SLC9A5: variants seen among roughly 807,000 people sequenced by gnomAD.
SLC9A5 encodes the protein solute carrier family 9 member A5.
A neutral mutation model predicts 91.7 loss-of-function variants in SLC9A5; 52 were observed. The ratio of observed to expected loss-of-function variants is 0.57; its 90% CI spans 0.45 to 0.71. The LOEUF (loss-of-function observed/expected upper bound fraction) is 0.71. Among genes scored for constraint, SLC9A5 ranks in the 30% least tolerant of loss-of-function variants. The pLI, the probability that SLC9A5 is intolerant of heterozygous loss-of-function variation, is 0.00. For missense variants in SLC9A5, 871 were observed against 1,158.9 expected (o/e 0.75, Z 3.61); for synonymous variants, 419 against 474.5 (o/e 0.88, Z 1.52).
Position 67,268,693 on chromosome 16 carries a change from T to A in SLC9A5, c.2219-2045T>A, listed in dbSNP as rs1182538148. Among the ~76,000 whole-genome samples the A allele has an allele frequency of 1.0e-4, 10 of 96,624 alleles. 1 individual carries two copies. The highest frequency in any genetic ancestry group is 3.6e-4 in the African/African-American group (9 of 25,290). The allele number at this position is 96,624 out of a possible 152,430, so 63.4% of individuals were successfully genotyped here. A position where few individuals can be genotyped will look rare whatever the true frequency, so the allele number is the denominator to read the frequency against. Reference sequence around the variant, plus strand: ...ATATATATATATATATATATATATATATATATATATATATATATTTTTACA... The same window carrying A: ...ATATATATATATATATATATATATAAATATATATATATATATATTTTTACA... On this transcript the variant is annotated intron_variant, in intron 15 of 15. Coordinates refer to ENST00000299798, the MANE Select transcript of SLC9A5 (RefSeq NM_004594.3).
intron 12 of SLC9A5, chr16:67,262,518 C>T (rs1173627668): frequency 9.7e-6 from 3 of 310,586 alleles, no homozygotes; most frequent in Non-Finnish European, 1.3e-5. Flanking sequence ...AACTTCCTGG[C>T]TTCACCTGGA....
In SLC9A5 at chr16:67,256,595, G is replaced by T; in HGVS notation, c.1038G>T (p.Leu346=). The T allele has an allele frequency of 2.5e-6, 4 of 1,614,108 alleles. No individual in the cohort carries two copies. The highest frequency in any genetic ancestry group is 3.4e-6 in the Non-Finnish European group (4 of 1,179,986). The change falls in exon 6 of 16, where the codon CTG becomes CTT. Residue 346 remains leucine (L), a synonymous_variant. Transcript: ENST00000299798. The surrounding 1 kb of genome is among the most constrained non-coding windows in gnomAD (Gnocchi z 4.1). ...ASCAETVIFM[L]LGISAVDSSK... ...GTGCTGAGACCGTGATCTTCATGCT[G>T]CTTGGCATCTCAGCCGTGGACTCTT...
At chr16:67,268,106 G>A (rs1337009379) in intron 15 of SLC9A5, among the ~76,000 whole-genome samples, 1 of 150,910 alleles carries the variant, frequency 6.6e-6, no homozygotes, top group South Asian at 2.1e-4. Context: ...TGAATGCCCC[G>A]ACTTAAGCAG....
chr16:67,264,426 G>A lies in SLC9A5; in HGVS notation c.1917G>A (p.Gln639=), dbSNP rs2035631662. 1 of 1,614,074 alleles carries A rather than the reference G, an allele frequency of 6.2e-7. No individual in the cohort carries two copies. Among genetic ancestry groups the A allele is most frequent in the African/African-American group, 1.3e-5 (1 of 74,932 alleles). Residue 639 remains glutamine (Q), a synonymous_variant, in exon 13 of 16, where the codon CAG becomes CAA. Transcript: ENST00000299798. ...QERQDKEVFQ[Q]NMKRRLESFK... Reference sequence around the variant, plus strand: ...GGCAGGACAAGGAGGTCTTCCAGCAGAACATGAAGCGGCGGCTGGAGTCCT... The same window carrying A: ...GGCAGGACAAGGAGGTCTTCCAGCAAAACATGAAGCGGCGGCTGGAGTCCT...
chr16:67,257,219 C>G lies in SLC9A5; in HGVS notation c.1335+106C>G. ...CTCTTCCCGCTGGGAGATGGAGGGC[C>G]CTGACTTCCCAGACCTTGAGTGCAG... On this transcript the variant is annotated intron_variant, in intron 7 of 15. Transcript: ENST00000299798. This position sits in a 1 kb window ranked among gnomAD's most constrained non-coding sequence, Gnocchi z 5.1. 1 of 1,391,768 alleles carries G rather than the reference C, an allele frequency of 7.2e-7. No individual in the cohort carries two copies. The highest frequency in any genetic ancestry group is 1.0e-6 in the Non-Finnish European group (1 of 998,864). 86.2% of individuals were successfully genotyped at this position (1,391,768 alleles called of 1,614,324 possible).
At position 67,265,122 on chromosome 16, in the gene SLC9A5, T is replaced by A. The variant is rs754719188; in HGVS notation, c.2080+16T>A. On this transcript the variant is annotated intron_variant, in intron 14 of 15. Coordinates refer to ENST00000299798, the MANE Select transcript of SLC9A5 (RefSeq NM_004594.3). ...CAGGACACAGGCAAGCAGGGAGCAGTGTGGGATTGAGGATGGGAGGGAGGA... is the reference window on the plus strand; with the variant it reads ...CAGGACACAGGCAAGCAGGGAGCAGAGTGGGATTGAGGATGGGAGGGAGGA... 1 of 1,612,724 alleles carries A rather than the reference T, an allele frequency of 6.2e-7. No individual in the cohort carries two copies. The highest frequency in any genetic ancestry group is 1.1e-5 in the South Asian group (1 of 91,024).
chr16:67,264,298 T>C, intron 12 of SLC9A5, 54 bp from the exon 13 acceptor site: 1 of 1,551,730 alleles, frequency 6.4e-7, no homozygotes, highest in South Asian at 1.1e-5. Flanking sequence ...CCTGGGGTTC[T>C]TGTGGGAGGC....
chr16:67,264,268 T>C (rs905297732), intron 12 of SLC9A5, 84 bp from the exon 13 acceptor site: 8 of 1,231,280 alleles, frequency 6.5e-6, no homozygotes, highest in Admixed American at 6.0e-5. Flanking sequence ...GGTCCTGTGG[T>C]GAATATGTTG....
intron 15 of SLC9A5, among the ~76,000 whole-genome samples, chr16:67,268,661 TATATATATATATATATATATATATATATA>T (rs1567421355): frequency 0.045 from 762 of 16,808 alleles, 19 homozygotes; most frequent in Non-Finnish European, 0.063. Context: ...TCCCTGATTA[TATATATATATATATATATATATATATATA>T]TATATATATA....
chr16:67,254,555 C>G (rs925129815), intron 2 of SLC9A5, among the ~76,000 whole-genome samples: 5 of 152,150 alleles, frequency 3.3e-5, no homozygotes, highest in African/African-American at 9.7e-5. Context: ...CACCACTGCG[C>G]CTGGCTACTT....
intron 12 of SLC9A5, 124 bp downstream of exon 12, chr16:67,260,070 C>T (rs914448292): frequency 1.5e-5 from 20 of 1,328,934 alleles, no homozygotes; most frequent in East Asian, 5.2e-5. Flanking sequence ...GGGTTTCAGC[C>T]GGGTGCGATG....
rs2035788100 is a variant in SLC9A5 at position 67,268,414 on chromosome 16, C to T, written c.2218+2189C>T. Reference sequence around the variant, plus strand: ...GGATCATGACTCACTGCTTCCTCAACCTCTTGGGCTCAAGCCACTCCACCC... The same window carrying T: ...GGATCATGACTCACTGCTTCCTCAATCTCTTGGGCTCAAGCCACTCCACCC... On this transcript the variant is annotated intron_variant, in intron 15 of 15. Transcript: ENST00000299798. Among the ~76,000 whole-genome samples the T allele has an allele frequency of 2.7e-5, 4 of 147,270 alleles. No individual in the cohort carries two copies. In the Admixed American group the frequency reaches 2.8e-4, roughly 10 times the overall value.
Position 67,255,868 on chromosome 16 carries a change from C to T in SLC9A5, c.849C>T (p.Val283=). Residue 283 remains valine (V), a synonymous_variant, in exon 5 of 16, where the codon GTC becomes GTT. Coordinates refer to ENST00000299798, the MANE Select transcript of SLC9A5 (RefSeq NM_004594.3). The surrounding 1 kb of genome is among the most constrained non-coding windows in gnomAD (Gnocchi z 4.9). ...KRVRIIEPLL[V]FLLAYAAYLT... ...TCCGCATCATCGAGCCGCTGCTGGT[C>T]TTCCTCCTCGCCTACGCAGCCTACC... The T allele has an allele frequency of 6.2e-7, 1 of 1,613,672 alleles. No individual in the cohort carries two copies. The highest frequency in any genetic ancestry group is 8.5e-7 in the Non-Finnish European group (1 of 1,179,866).
intron 1 of SLC9A5, among the ~76,000 whole-genome samples, chr16:67,250,179 G>C (rs765049010): frequency 5.3e-5 from 8 of 152,356 alleles, no homozygotes; most frequent in Admixed American, 2.0e-4. Context: ...ACACTGCTAG[G>C]GGGTGAGGGG....
chr16:67,250,132 C>T (rs550329365), intron 1 of SLC9A5, among the ~76,000 whole-genome samples: 2 of 152,338 alleles, frequency 1.3e-5, no homozygotes, highest in South Asian at 4.1e-4. Flanking sequence ...GGAGGAATCA[C>T]CCAGAGCCTA....
Position 67,252,669 on chromosome 16 carries a change from C to A in SLC9A5, c.315C>A (p.Gly105=). 6.2e-7 allele frequency: 1 copy of A among 1,614,230 alleles called. No individual in the cohort carries two copies. Among genetic ancestry groups the A allele is most frequent in the Non-Finnish European group, 8.5e-7 (1 of 1,180,040 alleles). ...AKKAEYQLEP[G]TFFLFLLPPI... is the part of the protein sequence containing the mutation. ...AAGCTGAGTACCAGCTGGAGCCAGG[C>A]ACCTTCTTCCTCTTCCTGCTGCCTC... The change falls in exon 2 of 16, where the codon GGC becomes GGA. Residue 105 remains glycine (G), a synonymous_variant. Coordinates refer to ENST00000299798, the MANE Select transcript of SLC9A5 (RefSeq NM_004594.3). This position sits in a 1 kb window ranked among gnomAD's most constrained non-coding sequence, Gnocchi z 4.0.
At chr16:67,263,333 G>A (rs893530907) in intron 12 of SLC9A5, 1 of 152,058 alleles carries the variant, frequency 6.6e-6, no homozygotes, top group African/African-American at 2.4e-5. Context: ...TGAGATAAAG[G>A]GACCAGACTT....
intron 15 of SLC9A5, among the ~76,000 whole-genome samples, chr16:67,268,658 T>TTA (rs60054219): frequency 0.02 from 838 of 41,828 alleles, 27 homozygotes; most frequent in Non-Finnish European, 0.026. Flanking sequence ...ATTTCCCTGA[T>TTA]TATATATATA....
intron 10 of SLC9A5, 130 bp from the exon 11 acceptor site, chr16:67,259,443 T>G (rs1259208564): frequency 1.5e-6 from 1 of 652,614 alleles, no homozygotes; most frequent in Non-Finnish European, 2.8e-6. Flanking sequence ...ATATGTAAAG[T>G]GCCTAGCAGA....
Sources: allele counts gnomAD v4.1 joint callset (sites outside exome capture counted in the v4.1 genomes callset), GRCh38; gene constraint gnomAD v4.1.1; non-coding constraint Gnocchi (gnomAD v3.1); transcripts MANE v1.5; gene names NCBI Gene and HGNC (gene_info 2026-07-23, HGNC 2026-07-21).